The following FUT8 variants were observed in gnomAD, a reference collection of about 807,000 sequenced individuals.
FUT8 encodes the protein alpha-(1,6)-fucosyltransferase.
A neutral mutation model predicts 71.3 loss-of-function variants in FUT8; 29 were observed. The ratio of observed to expected loss-of-function variants is 0.41; its 90% CI spans 0.30 to 0.55. FUT8 has a LOEUF of 0.55. Among genes scored for constraint, FUT8 ranks in the 20% least tolerant of loss-of-function variants. The pLI is 0.34. For synonymous variants in FUT8, 254 were observed against 239.3 expected (o/e 1.06, Z -0.57); for missense variants, 544 against 702.1 (o/e 0.77, Z 2.55).
chr14:65,455,287 C>A (rs2065880552), intron 1 of FUT8, among the ~76,000 whole-genome samples: 1 of 152,146 alleles, frequency 6.6e-6, no homozygotes, highest in African/African-American at 2.4e-5. Flanking sequence ...AAGAGGTACA[C>A]TTCTGAATGC....
chr14:65,503,940 GAATA>G (rs1017688636), intron 2 of FUT8, among the ~76,000 whole-genome samples: 1 of 152,176 alleles, frequency 6.6e-6, no homozygotes, highest in Non-Finnish European at 1.5e-5. Flanking sequence ...GTTCATATTT[GAATA>G]TTTATAGAAG....
chr14:65,690,590 T>C lies in FUT8; in HGVS notation c.835+21110T>C, dbSNP rs1893524545. ...TATAATTTTTGTCATATAGAGCTCA[T>C]AATGTATTTTATTAGACTTTAACTT... On this transcript the variant is annotated intron_variant, in intron 7 of 10. Coordinates refer to ENST00000673929, the MANE Select transcript of FUT8 (RefSeq NM_001371533.1). Among the ~76,000 whole-genome samples the C allele has an allele frequency of 2.6e-5, 4 of 152,164 alleles. No homozygotes were observed. In the South Asian group the frequency reaches 8.3e-4, roughly 31 times the overall value.
At chr14:65,465,207 G>A (rs2066025154) in intron 2 of FUT8, among the ~76,000 whole-genome samples, 1 of 152,012 alleles carries the variant, frequency 6.6e-6, no homozygotes, top group Non-Finnish European at 1.5e-5. Flanking sequence ...GATTTAATTT[G>A]TTCATTTTCT....
the FUT8 span, among the ~76,000 whole-genome samples, chr14:65,364,916 G>A: frequency 1.3e-5 from 2 of 152,026 alleles, no homozygotes; most frequent in Non-Finnish European, 2.9e-5. Context: ...TCTGTGAGCC[G>A]GGGCTTACAC....
intron 1 of FUT8, among the ~76,000 whole-genome samples, chr14:65,435,552 T>TA (rs2065542509): frequency 6.6e-6 from 1 of 152,258 alleles, no homozygotes. Flanking sequence ...CAATTATGAA[T>TA]AAAACTGCTA....
At chr14:65,571,279 C>G (rs946121433) in intron 3 of FUT8, among the ~76,000 whole-genome samples, 2 of 152,000 alleles carry the variant, frequency 1.3e-5, no homozygotes, top group Non-Finnish European at 2.9e-5. Context: ...CTGAACCTAT[C>G]CAAAAGAAAG....
At chr14:65,630,685 A>G (rs978537183) in intron 6 of FUT8, among the ~76,000 whole-genome samples, 87 of 152,152 alleles carry the variant, frequency 5.7e-4, no homozygotes, top group African/African-American at 2.1e-3. Context: ...GGGAAGATAA[A>G]ATTGATAGGC....
chr14:65,613,119 A>C (rs1889094003), intron 3 of FUT8, among the ~76,000 whole-genome samples: 2 of 151,870 alleles, frequency 1.3e-5, no homozygotes, highest in African/African-American at 4.8e-5. Context: ...TATTAGAATT[A>C]GATTGGAACT....
rs1049253713 is a variant in FUT8 at position 65,467,873 on chromosome 14, G to A, written c.-228+12155G>A. Reference sequence around the variant, plus strand: ...GCTCCTTCCCACTGGTTCTCACAAAGTGTGCTTCTCTGGATGGAGCAGGCT... The same window carrying A: ...GCTCCTTCCCACTGGTTCTCACAAAATGTGCTTCTCTGGATGGAGCAGGCT... On this transcript the variant is annotated intron_variant, in intron 2 of 10. Coordinates refer to ENST00000673929, the MANE Select transcript of FUT8 (RefSeq NM_001371533.1). The surrounding 1 kb of genome is among the most constrained non-coding windows in gnomAD (Gnocchi z 4.1). The A allele has an allele frequency of 2.5e-6, 2 of 788,474 alleles. No individual in the cohort carries two copies. The highest frequency in any genetic ancestry group is 3.4e-5 in the African/African-American group (2 of 58,692). 48.8% of individuals were successfully genotyped at this position (788,474 alleles called of 1,614,324 possible).
chr14:65,670,499 T>C (rs1430901720), intron 7 of FUT8, among the ~76,000 whole-genome samples: 1 of 152,160 alleles, frequency 6.6e-6, no homozygotes, highest in Admixed American at 6.5e-5. Context: ...GTGTGACAGA[T>C]ACTGAATTAA....
At chr14:65,609,992 T>C (rs1004731047) in intron 3 of FUT8, among the ~76,000 whole-genome samples, 1 of 151,964 alleles carries the variant, frequency 6.6e-6, no homozygotes, top group African/African-American at 2.4e-5. Flanking sequence ...AATAATGTGG[T>C]TTAAAATATT....
chr14:65,610,597 CA>C (rs1888836421), intron 3 of FUT8, among the ~76,000 whole-genome samples: 1 of 151,804 alleles, frequency 6.6e-6, no homozygotes. Flanking sequence ...CCATGTTGGT[CA>C]GGTTGGTCTC....
the FUT8 span, among the ~76,000 whole-genome samples, chr14:65,385,239 G>A: frequency 4.6e-5 from 7 of 152,108 alleles, no homozygotes; most frequent in South Asian, 1.0e-3. Context: ...ACAGTTTGTT[G>A]GGAATAAGCC....
intron 2 of FUT8, among the ~76,000 whole-genome samples, chr14:65,516,952 G>A (rs1436475480): frequency 6.6e-6 from 1 of 150,378 alleles, no homozygotes; most frequent in Non-Finnish European, 1.5e-5. Context: ...TCTCGTATGA[G>A]TGGAACCACA....
At chr14:65,539,456 G>A (rs1262925351) in intron 2 of FUT8, among the ~76,000 whole-genome samples, 1 of 152,136 alleles carries the variant, frequency 6.6e-6, no homozygotes, top group African/African-American at 2.4e-5. Context: ...CCTGATATTA[G>A]CATAGTTCAG....
chr14:65,582,592 C>T (rs1427014285), intron 3 of FUT8, among the ~76,000 whole-genome samples: 1 of 152,166 alleles, frequency 6.6e-6, no homozygotes, highest in Admixed American at 6.5e-5. Flanking sequence ...CCTTTCTTGA[C>T]CTCATTCATC....
At chr14:65,695,082 C>A (rs1441779575) in intron 7 of FUT8, among the ~76,000 whole-genome samples, 1 of 152,028 alleles carries the variant, frequency 6.6e-6, no homozygotes, top group Non-Finnish European at 1.5e-5. Flanking sequence ...TTTTGTAGGC[C>A]AGAATATTGT....
chr14:65,726,242 G>A (rs962072535), intron 9 of FUT8, among the ~76,000 whole-genome samples: 2 of 152,218 alleles, frequency 1.3e-5, no homozygotes, highest in Non-Finnish European at 2.9e-5. Flanking sequence ...CACTTGTTCT[G>A]GAACGCATCA....
intron 7 of FUT8, among the ~76,000 whole-genome samples, chr14:65,703,845 T>G (rs976716690): frequency 6.6e-6 from 1 of 152,258 alleles, no homozygotes; most frequent in African/African-American, 2.4e-5. Flanking sequence ...ATCAGCAATT[T>G]GTACAGCACT....
Sources: allele counts gnomAD v4.1 joint callset (sites outside exome capture counted in the v4.1 genomes callset), GRCh38; gene constraint gnomAD v4.1.1; non-coding constraint Gnocchi (gnomAD v3.1); transcripts MANE v1.5; gene names NCBI Gene and HGNC (gene_info 2026-07-23, HGNC 2026-07-21).